The following DHX16 variants were observed in gnomAD, a reference collection of about 807,000 sequenced individuals.
DHX16 encodes the protein pre-mRNA-splicing factor ATP-dependent RNA helicase DHX16.
Under a neutral mutation model 131.2 loss-of-function variants are expected in DHX16, and 81 were observed. The ratio of observed to expected loss-of-function variants is 0.62; its 90% CI spans 0.52 to 0.74. The LOEUF (loss-of-function observed/expected upper bound fraction) is 0.74, where lower values mean the gene tolerates loss of function less well. Among genes scored for constraint, DHX16 ranks in the 30% least tolerant of loss-of-function variants. DHX16 has a pLI of 0.00. For synonymous variants in DHX16, 440 were observed against 520.2 expected, an observed-to-expected ratio of 0.85 and a Z score of 2.10; for missense variants, 980 against 1,363.1, an observed-to-expected ratio of 0.72 and a Z score of 4.43.
chr6:30,669,278 G>A (rs111561004), intron 4 of DHX16, among the ~76,000 whole-genome samples: 1,771 of 149,562 alleles, frequency 0.012, 28 homozygotes, highest in African/African-American at 0.033. Flanking sequence ...AAAATTAGCC[G>A]AGTGTGGTAC....
intron 4 of DHX16, among the ~76,000 whole-genome samples, chr6:30,668,739 A>C (rs1205641493): frequency 6.6e-6 from 1 of 152,162 alleles, no homozygotes; most frequent in African/African-American, 2.4e-5. Flanking sequence ...GCCTAACCAC[A>C]GTCAATTTCA....
intron 9 of DHX16, chr6:30,661,863 T>TC (rs1400802310): frequency 1.4e-6 from 1 of 717,960 alleles, no homozygotes; most frequent in Non-Finnish European, 2.6e-6. Context: ...CCATGGGTTC[T>TC]TAGAGATCTT....
chr6:30,654,690 A>G lies in DHX16; in HGVS notation c.2997+16T>C, dbSNP rs761803366. The G allele has an allele frequency of 6.9e-6, 11 of 1,605,296 alleles. No individual in the cohort carries two copies. Among genetic ancestry groups the G allele is most frequent in the Non-Finnish European group, 9.4e-6 (11 of 1,175,928 alleles). On this transcript the variant is annotated intron_variant, in intron 19 of 19. Coordinates refer to ENST00000376442, the MANE Select transcript of DHX16 (RefSeq NM_003587.5). Reference sequence around the variant, plus strand: ...ACATAGTCTCCACCTGCGTGGGCACAGGATGTTCTCCTCACCTGTCTCATG... The same window carrying G: ...ACATAGTCTCCACCTGCGTGGGCACGGGATGTTCTCCTCACCTGTCTCATG...
rs1289616920 is a variant in DHX16, at chr6:30,657,053, T to C, written c.2047A>G (p.Ile683Val). The change falls in exon 13 of 20, where the codon ATT becomes GTT. Residue 683 changes from isoleucine to valine, a missense_variant. Ile to Val is a conservative substitution (Grantham distance 29). Transcript: ENST00000376442. ...ATNIAETSLTIEGIIYVLDPG... is the reference protein window; with the variant it reads ...ATNIAETSLTVEGIIYVLDPG... ...TCCAGCACATAAATGATGCCCTCAATGGTGAGTGATGTCTCAGCAATGTTC... is the reference window on the plus strand; with the variant it reads ...TCCAGCACATAAATGATGCCCTCAACGGTGAGTGATGTCTCAGCAATGTTC... 6.8e-6 allele frequency: 11 copies of C among 1,612,914 alleles called. No individual in the cohort carries two copies. Among genetic ancestry groups the C allele is most frequent in the African/African-American group, 1.3e-5 (1 of 74,908 alleles).
chr6:30,653,575 T>C (rs1161959938), intron 19 of DHX16, among the ~76,000 whole-genome samples: 2 of 152,242 alleles, frequency 1.3e-5, no homozygotes, highest in African/African-American at 2.4e-5. Flanking sequence ...GCACCATTAA[T>C]TTTTTGTATA....
chr6:30,658,665 C>T (rs1003259462), intron 12 of DHX16, among the ~76,000 whole-genome samples: 2 of 150,222 alleles, frequency 1.3e-5, no homozygotes, highest in African/African-American at 4.9e-5. Context: ...GAGCCGAGAT[C>T]TTGCCACTGC....
At position 30,662,967 on chromosome 6, in the gene DHX16, C is replaced by T. The variant is rs1340398359; in HGVS notation, c.1372G>A (p.Ala458Thr). 1 of 1,613,612 alleles carries T rather than the reference C, an allele frequency of 6.2e-7. No homozygotes were observed. Among genetic ancestry groups the T allele is most frequent in the Admixed American group, 1.7e-5 (1 of 60,016 alleles). ...IACTQPRRVA[A>T]MSVAARVARE... ...GCCACTCGGGCGGCCACACTCATGG[C>T]AGCCACTCTCCGGGGTTGGGTGCAG... The change falls in exon 8 of 20, where the codon GCC (alanine) becomes ACC (threonine). Residue 458 changes from alanine to threonine, a missense_variant. Transcript: ENST00000376442. This position sits in a 1 kb window ranked among gnomAD's most constrained non-coding sequence, Gnocchi z 4.7.
At position 30,653,231 on chromosome 6, in the gene DHX16, A is replaced by C; in HGVS notation, c.*11T>G. On this transcript the variant is annotated 3_prime_UTR_variant, in exon 20 of 20. Coordinates refer to ENST00000376442, the MANE Select transcript of DHX16 (RefSeq NM_003587.5). Reference sequence around the variant, plus strand: ...AAGGAGCTGGTGTCAGGTTCTGTTTACGTCCTTCTCTTACCCTAGCTCTTC... The same window carrying C: ...AAGGAGCTGGTGTCAGGTTCTGTTTCCGTCCTTCTCTTACCCTAGCTCTTC... 6.2e-7 allele frequency: 1 copy of C among 1,611,638 alleles called. No individual in the cohort carries two copies. Among genetic ancestry groups the C allele is most frequent in the Non-Finnish European group, 8.5e-7 (1 of 1,179,580 alleles).
chr6:30,667,443 G>A (rs573510414), intron 4 of DHX16, among the ~76,000 whole-genome samples: 1 of 152,106 alleles, frequency 6.6e-6, no homozygotes, highest in South Asian at 2.1e-4. Flanking sequence ...TTAGCCGGGC[G>A]TGGCAGCAGG....
At chr6:30,663,084 A>G (rs1768675599) in intron 7 of DHX16, 63 bp from the exon 8 acceptor site, 1 of 1,300,008 alleles carries the variant, frequency 7.7e-7, no homozygotes, top group Non-Finnish European at 1.1e-6. Flanking sequence ...GGGACCAGGT[A>G]CATTTCAGAG....
At position 30,656,765 on chromosome 6, in the gene DHX16, A is replaced by G; in HGVS notation, c.2149-6T>C. On this transcript the variant is annotated splice_polypyrimidine_tract_variant and splice_region_variant and intron_variant, in intron 13 of 19. Coordinates refer to ENST00000376442, the MANE Select transcript of DHX16 (RefSeq NM_003587.5). The surrounding 1 kb of genome is among the most constrained non-coding windows in gnomAD (Gnocchi z 5.1). ...GCTCGCTGATTGGCTGAGGCCTGGA[A>G]AGAAAGGGGAACAGGCTGGCTGACA... The G allele has an allele frequency of 6.2e-7, 1 of 1,611,758 alleles. No homozygotes were observed. The highest frequency in any genetic ancestry group is 8.5e-7 in the Non-Finnish European group (1 of 1,179,980).
At position 30,662,735 on chromosome 6, in the gene DHX16, T is replaced by A. The variant is rs756958554; in HGVS notation, c.1436A>T (p.Tyr479Phe). 3 of 1,612,640 alleles carry A rather than the reference T, an allele frequency of 1.9e-6. No individual in the cohort carries two copies. Among genetic ancestry groups the A allele is most frequent in the Non-Finnish European group, 2.5e-6 (3 of 1,179,944 alleles). The change falls in exon 9 of 20, where the codon TAC becomes TTC. Residue 479 changes from tyrosine to phenylalanine, a missense_variant. Tyr to Phe is a conservative substitution (Grantham distance 22, BLOSUM62 3). Around this residue, in one of 3 missense-constraint regions of DHX16, gnomAD observed 309 missense variants for 537.1 expected, o/e 0.58. Transcript: ENST00000376442. The surrounding 1 kb of genome is among the most constrained non-coding windows in gnomAD (Gnocchi z 4.7). ...MGVKLGNEVG[Y>F]SIRFEDCTSE... ...TGTGCAGTCCTCAAAGCGGATGCTG[T>A]AGCCAACCTGGTCAAGGGAACCATT...
At chr6:30,667,156 T>C (rs1012852251) in intron 4 of DHX16, among the ~76,000 whole-genome samples, 1 of 152,284 alleles carries the variant, frequency 6.6e-6, no homozygotes, top group South Asian at 2.1e-4. Flanking sequence ...ACTCTAAAAA[T>C]TCGTATTTAA....
intron 12 of DHX16, among the ~76,000 whole-genome samples, chr6:30,657,524 C>G (rs1011244769): frequency 1.2e-4 from 19 of 152,096 alleles, no homozygotes; most frequent in East Asian, 1.2e-3. Context: ...ACTCCCCATC[C>G]TTCAGTGGCT....
rs925082624 is a variant in DHX16, at chr6:30,660,164, G to C, written c.1623C>G (p.Arg541=). Residue 541 remains arginine, a synonymous_variant, in exon 10 of 20, where the codon CGC becomes CGG. Transcript: ENST00000376442. ...CCAGGACCTTGAGCTCAGGTCGGAA[G>C]CGAGCAACATCCTTGATCAATCCAA... is the stretch of plus-strand genomic sequence containing the variant. ...ILFGLIKDVA[R]FRPELKVLVA... 6.3e-7 allele frequency: 1 copy of C among 1,595,372 alleles called. No individual in the cohort carries two copies. The highest frequency in any genetic ancestry group is 2.2e-5 in the East Asian group (1 of 44,660).
Position 30,668,164 on chromosome 6 carries a change from A to G in DHX16, c.666+2246T>C, listed in dbSNP as rs200090804. 5.3e-5 allele frequency among the ~76,000 whole-genome samples: 8 copies of G among 152,312 alleles called. No individual in the cohort carries two copies. The East Asian group carries it at 1.2e-3, about 22-fold the overall frequency. On this transcript the variant is annotated intron_variant, in intron 4 of 19. Coordinates refer to ENST00000376442, the MANE Select transcript of DHX16 (RefSeq NM_003587.5). ...ATCCTTAGCAGGTACACACTGATGTACTTAGAGATAAAACGCCATGATGTC... is the reference window on the plus strand; with the variant it reads ...ATCCTTAGCAGGTACACACTGATGTGCTTAGAGATAAAACGCCATGATGTC...
chr6:30,660,444 C>T, intron 9 of DHX16: 1 of 446,130 alleles, frequency 2.2e-6, no homozygotes. Flanking sequence ...CCATGATCTG[C>T]AACCTATCCC....
Position 30,670,928 on chromosome 6 carries a change from C to G in DHX16, c.471G>C (p.Lys157Asn), listed in dbSNP as rs1255140068. Residue 157 changes from lysine to asparagine, a missense_variant, in exon 3 of 20, where the codon AAG becomes AAC. Around this residue, in one of 3 missense-constraint regions of DHX16, gnomAD observed 457 missense variants for 554.8 expected, o/e 0.82. Coordinates refer to ENST00000376442, the MANE Select transcript of DHX16 (RefSeq NM_003587.5). This position sits in a 1 kb window ranked among gnomAD's most constrained non-coding sequence, Gnocchi z 4.4. ...GTTCCCACTCATCTTCCGACTCTGG[C>G]TTCTCTGTCTGCTGTTTACTCCCCC... ...KTGGSKQQTE[K>N]PESEDEWERT... 1 of 1,613,090 alleles carries G rather than the reference C, an allele frequency of 6.2e-7. No individual in the cohort carries two copies. The highest frequency in any genetic ancestry group is 1.1e-5 in the South Asian group (1 of 91,078).
In DHX16 at chr6:30,671,088, G is replaced by C; in HGVS notation, c.394C>G (p.Arg132Gly). The C allele has an allele frequency of 6.2e-7, 1 of 1,612,840 alleles. No homozygotes were observed. Among genetic ancestry groups the C allele is most frequent in the Non-Finnish European group, 8.5e-7 (1 of 1,179,992 alleles). ...GCCTCTTCCTCCTCTTCTTCCTCAC[G>C]CTTCTTCCTGAGGTGTTTCCGCTTT... is the stretch of plus-strand genomic sequence containing the variant. ...RKKRKHLRKK[R>G]EEEEEEEASE... The change falls in exon 2 of 20, where the codon CGT becomes GGT. Residue 132 changes from arginine to glycine, a missense_variant. Around this residue, in one of 3 missense-constraint regions of DHX16, gnomAD observed 457 missense variants for 554.8 expected, o/e 0.82. Transcript: ENST00000376442.
Sources: gnomAD v4.1 joint callset for allele counts (sites outside exome capture counted in the v4.1 genomes callset) on GRCh38, gnomAD v4.1.1 for gene constraint, gnomAD v4.1.1 regional missense constraint, Gnocchi (gnomAD v3.1) non-coding constraint, MANE v1.5 for transcripts, NCBI Gene and HGNC (gene_info 2026-07-23, HGNC 2026-07-21) for gene names.